The following SEMA6D variants were observed in gnomAD, a reference collection of about 807,000 sequenced individuals.
The protein encoded by SEMA6D is semaphorin-6D.
A neutral mutation model predicts 106.6 loss-of-function variants in SEMA6D; 35 were observed. That is an observed-to-expected ratio of 0.33 (90% CI 0.25 to 0.44). SEMA6D has a LOEUF of 0.44. Among genes scored for constraint, SEMA6D ranks in the 20% least tolerant of loss-of-function variants. The pLI is 1.00. For synonymous variants in SEMA6D, 499 were observed against 487.7 expected (o/e 1.02, Z -0.31); for missense variants, 1,185 against 1,345.9 (o/e 0.88, Z 1.87).
rs1848092849 is a variant in SEMA6D at position 47,356,681 on chromosome 15, T to G, written c.-238-55712T>G. ...TAAAGAACAACTGAACAAAGTTTCC[T>G]ATTGCAATTCAAATGCAGCTGTATA... On this transcript the variant is annotated intron_variant, in intron 1 of 19. Coordinates refer to the SEMA6D transcript ENST00000558014. Among the ~76,000 whole-genome samples the G allele has an allele frequency of 2.0e-5, 3 of 152,204 alleles. 1 individual carries two copies. The South Asian group carries it at 6.2e-4, about 32-fold the overall frequency.
intron 1 of SEMA6D, among the ~76,000 whole-genome samples, chr15:47,185,099 T>G (rs562044672): frequency 3.8e-4 from 58 of 152,268 alleles, no homozygotes; most frequent in Admixed American, 3.6e-3. Flanking sequence ...GGTGGGTCCC[T>G]TGTCTGGCTC....
chr15:47,193,075 C>T (rs1261108282), intron 1 of SEMA6D, among the ~76,000 whole-genome samples: 3 of 152,170 alleles, frequency 2.0e-5, no homozygotes, highest in African/African-American at 7.2e-5. Context: ...CTTGCCCTTG[C>T]AGAAACAAAG....
chr15:47,685,304 A>G (rs762968443), intron 4 of SEMA6D, among the ~76,000 whole-genome samples: 54 of 152,338 alleles, frequency 3.5e-4, no homozygotes, highest in South Asian at 2.1e-4. Flanking sequence ...TCACACTGAC[A>G]CTTTGCTGAG....
intron 3 of SEMA6D, among the ~76,000 whole-genome samples, chr15:47,534,047 CAG>C (rs2045069845): frequency 6.6e-6 from 1 of 152,072 alleles, no homozygotes; most frequent in South Asian, 2.1e-4. Context: ...GAAATCAACC[CAG>C]AGTTATATAA....
chr15:47,755,414 TTCTC>T (rs954807838), intron 1 of SEMA6D, among the ~76,000 whole-genome samples: 1 of 152,166 alleles, frequency 6.6e-6, no homozygotes. Flanking sequence ...TTGTGGTTTT[TTCTC>T]TCTCTCTTAG....
rs2082214393 is a variant in SEMA6D at position 47,764,229 on chromosome 15, A to G, written c.1021A>G (p.Lys341Glu). ...CATGGATGACATTGAAAAAGTATTC[A>G]AAGGACGGTTTAAGGAACAGAAAAC... ...FSMDDIEKVF[K>E]GRFKEQKTPD... Residue 341 changes from lysine (K) to glutamate (E), a missense_variant, in exon 11 of 19, where the codon AAA (lysine) becomes GAA (glutamate). Physicochemically the swap from Lys to Glu is moderately conservative, Grantham distance 56. This residue lies in a region of SEMA6D where 291 missense variants were observed against 423.8 expected (regional missense o/e 0.69). Transcript: ENST00000536845. 1.9e-6 allele frequency: 3 copies of G among 1,613,852 alleles called. No individual in the cohort carries two copies. Among genetic ancestry groups the G allele is most frequent in the South Asian group, 1.1e-5 (1 of 91,072 alleles).
intron 1 of SEMA6D, among the ~76,000 whole-genome samples, chr15:47,324,042 A>G (rs1374826053): frequency 6.6e-6 from 1 of 151,434 alleles, no homozygotes; most frequent in Non-Finnish European, 1.5e-5. Context: ...TTTTGATACC[A>G]TGGCACCTAA....
intron 1 of SEMA6D, among the ~76,000 whole-genome samples, chr15:47,388,014 G>T (rs1243226131): frequency 6.6e-5 from 10 of 152,140 alleles, no homozygotes; most frequent in Admixed American, 6.5e-4. Context: ...GTATTTTAAG[G>T]ATTATTATTT....
At chr15:47,640,955 C>T (rs538593927) in intron 4 of SEMA6D, among the ~76,000 whole-genome samples, 1 of 152,158 alleles carries the variant, frequency 6.6e-6, no homozygotes, top group Non-Finnish European at 1.5e-5. Flanking sequence ...CAAAGTCCTT[C>T]ACCAATTATT....
chr15:47,563,168 T>C (rs1475168035), intron 3 of SEMA6D, among the ~76,000 whole-genome samples: 1 of 152,186 alleles, frequency 6.6e-6, no homozygotes, highest in Non-Finnish European at 1.5e-5. Context: ...AGTGATTGCC[T>C]GGGGCTAAGA....
At chr15:47,378,320 A>AC (rs571470802) in intron 1 of SEMA6D, among the ~76,000 whole-genome samples, 256 of 152,228 alleles carry the variant, frequency 1.7e-3, no homozygotes, top group African/African-American at 5.9e-3. Context: ...ACATGGAGAA[A>AC]CCCCATCTCT....
chr15:47,199,454 C>G (rs282509), intron 1 of SEMA6D, among the ~76,000 whole-genome samples: 6,834 of 152,078 alleles, frequency 0.045, 193 homozygotes, highest in South Asian at 0.12. Context: ...TGTGTGTCTC[C>G]CCTACAAAAG....
At chr15:47,511,849 G>T (rs528030853) in intron 3 of SEMA6D, among the ~76,000 whole-genome samples, 1 of 152,238 alleles carries the variant, frequency 6.6e-6, no homozygotes, top group East Asian at 1.9e-4. Flanking sequence ...GGCCACACAT[G>T]TGCTGTGTGA....
chr15:47,205,270 G>T (rs1464762248), intron 1 of SEMA6D, among the ~76,000 whole-genome samples: 4 of 152,018 alleles, frequency 2.6e-5, no homozygotes, highest in African/African-American at 9.7e-5. Flanking sequence ...TTGCTCTTAT[G>T]AATTTTGAAA....
intron 1 of SEMA6D, among the ~76,000 whole-genome samples, chr15:47,373,104 T>C (rs1208700949): frequency 6.6e-6 from 1 of 152,200 alleles, no homozygotes; most frequent in Non-Finnish European, 1.5e-5. Context: ...AAGCACCTGC[T>C]TCTTGCACTG....
chr15:47,212,467 A>G (rs138733459), intron 1 of SEMA6D, among the ~76,000 whole-genome samples: 2,144 of 152,324 alleles, frequency 0.014, 22 homozygotes, highest in Middle Eastern at 0.068. Flanking sequence ...GATTACGAGC[A>G]TGACGTATTG....
intron 1 of SEMA6D, among the ~76,000 whole-genome samples, chr15:47,199,836 A>G (rs965814502): frequency 6.6e-6 from 1 of 152,128 alleles, no homozygotes; most frequent in African/African-American, 2.4e-5. Context: ...ATACAAATAA[A>G]TGGCATTTAC....
chr15:47,265,361 C>G (rs1311847997), intron 1 of SEMA6D, among the ~76,000 whole-genome samples: 2 of 151,106 alleles, frequency 1.3e-5, no homozygotes, highest in African/African-American at 2.4e-5. Context: ...ATGATTGTAT[C>G]CATTTTATTT....
At chr15:47,271,406 G>A (rs2034558812) in intron 1 of SEMA6D, among the ~76,000 whole-genome samples, 1 of 152,188 alleles carries the variant, frequency 6.6e-6, no homozygotes, top group South Asian at 2.1e-4. Context: ...AGTTAGCTGT[G>A]TCTAGGTAAA....
Sources: gnomAD v4.1 joint callset for allele counts (sites outside exome capture counted in the v4.1 genomes callset) on GRCh38, gnomAD v4.1.1 for gene constraint, gnomAD v4.1.1 regional missense constraint, MANE v1.5 for transcripts, NCBI Gene and HGNC (gene_info 2026-07-23, HGNC 2026-07-21) for gene names.